Variants in CEP97 observed in about 807,000 individuals in gnomAD.
CEP97 encodes the protein centrosomal protein 97.
Under a neutral mutation model 73.1 loss-of-function variants are expected in CEP97, and 43 were observed. The ratio of observed to expected loss-of-function variants is 0.59; its 90% CI spans 0.46 to 0.76. The LOEUF (loss-of-function observed/expected upper bound fraction) is 0.76, where lower values mean the gene tolerates loss of function less well. Ranked by LOEUF, CEP97 falls within the 30% of genes least tolerant of loss-of-function variation. The pLI, the probability that CEP97 is intolerant of heterozygous loss-of-function variation, is 0.00. For missense variants in CEP97, 939 were observed against 1,014.0 expected, an observed-to-expected ratio of 0.93 and a Z score of 1.00; for synonymous variants, 337 against 370.0, an observed-to-expected ratio of 0.91 and a Z score of 1.02.
intron 6 of CEP97, among the ~76,000 whole-genome samples, chr3:101,738,263 C>A (rs1938344907): frequency 6.6e-6 from 1 of 152,118 alleles, no homozygotes; most frequent in African/African-American, 2.4e-5. Context: ...GACTTTAACA[C>A]CCCACTGTCA....
In CEP97 at chr3:101,731,909, G is replaced by A. The variant is rs1938123195; in HGVS notation, c.517G>A (p.Ala173Thr). The change falls in exon 5 of 11, where the codon GCT (alanine) becomes ACT (threonine). Residue 173 changes from alanine to threonine, a missense_variant. Ala to Thr is a moderately conservative substitution (Grantham distance 58, BLOSUM62 0). Coordinates refer to ENST00000341893, the MANE Select transcript of CEP97 (RefSeq NM_024548.4). ...ACCTGCTTACCTACCCAGAAGTCTT[G>A]CTATACTTTCTTTGGCAGAAAATGA... is the stretch of plus-strand genomic sequence containing the variant. ...MAPAYLPRSL[A>T]ILSLAENEIR... The A allele has an allele frequency of 7.4e-6, 12 of 1,610,996 alleles. No individual in the cohort carries two copies. The highest frequency in any genetic ancestry group is 1.0e-5 in the Non-Finnish European group (12 of 1,177,344).
At chr3:101,753,002 G>GT (rs1319122628) in intron 6 of CEP97, among the ~76,000 whole-genome samples, 2 of 152,122 alleles carry the variant, frequency 1.3e-5, no homozygotes, top group South Asian at 2.1e-4. Flanking sequence ...TTTCTGCTCT[G>GT]TTTTTTCCCC....
At chr3:101,750,211 A>T (rs1938762268) in intron 6 of CEP97, among the ~76,000 whole-genome samples, 1 of 146,098 alleles carries the variant, frequency 6.8e-6, no homozygotes, top group Non-Finnish European at 1.5e-5. Context: ...CTTTCTACAT[A>T]TGGCTAGCCA....
At chr3:101,746,220 G>T (rs1403586820) in intron 6 of CEP97, among the ~76,000 whole-genome samples, 1 of 152,188 alleles carries the variant, frequency 6.6e-6, no homozygotes, top group Non-Finnish European at 1.5e-5. Context: ...AAACATATGT[G>T]TGCATGTGTC....
At chr3:101,764,488 G>T (rs577169931) in intron 10 of CEP97, among the ~76,000 whole-genome samples, 1 of 152,056 alleles carries the variant, frequency 6.6e-6, no homozygotes, top group East Asian at 1.9e-4. Flanking sequence ...GTGGGTGCCT[G>T]TAATCCCAGC....
At chr3:101,728,806 T>G (rs752892583) in intron 3 of CEP97, 30 bp from the exon 4 acceptor site, 3 of 1,377,830 alleles carry the variant, frequency 2.2e-6, no homozygotes. Context: ...TTTGTTTTCA[T>G]TAAATAGTGT....
intron 6 of CEP97, among the ~76,000 whole-genome samples, chr3:101,748,761 C>T (rs1257677731): frequency 6.6e-6 from 1 of 152,180 alleles, no homozygotes; most frequent in African/African-American, 2.4e-5. Flanking sequence ...CTGCCTCAGT[C>T]TCCCGAGTAG....
intron 6 of CEP97, among the ~76,000 whole-genome samples, chr3:101,733,540 T>A (rs1020367945): frequency 6.6e-6 from 1 of 151,112 alleles, no homozygotes; most frequent in Non-Finnish European, 1.5e-5. Context: ...TTATTTTTTA[T>A]TTTTTTTTGA....
intron 6 of CEP97, among the ~76,000 whole-genome samples, chr3:101,735,493 T>C (rs963296097): frequency 1.3e-5 from 2 of 152,128 alleles, no homozygotes; most frequent in African/African-American, 4.8e-5. Flanking sequence ...CCACCTGAGG[T>C]ACGTGGCTCA....
At chr3:101,728,979 A>C (rs751629696) in intron 4 of CEP97, 42 bp downstream of exon 4, 5 of 1,114,668 alleles carry the variant, frequency 4.5e-6, no homozygotes, top group Non-Finnish European at 6.8e-6. Context: ...TTTATAGCAA[A>C]ATACCAAGAG....
intron 4 of CEP97, among the ~76,000 whole-genome samples, chr3:101,731,192 C>CTTTTTTTT (rs35988030): frequency 8.1e-6 from 1 of 123,260 alleles, no homozygotes; most frequent in Non-Finnish European, 1.7e-5. Flanking sequence ...GTTTTAATGA[C>CTTTTTTTT]TTTTTTTTTT....
Position 101,726,635 on chromosome 3 carries a change from G to C in CEP97, c.85G>C (p.Gly29Arg), listed in dbSNP as rs772663334. The change falls in exon 2 of 11, where the codon GGT (glycine) becomes CGT (arginine). Residue 29 changes from glycine (G) to arginine (R), a missense_variant. By Grantham distance (125) the Gly-to-Arg change is moderately radical (BLOSUM62 -2). Transcript: ENST00000341893. Reference sequence around the variant, plus strand: ...GTCAGGACAGGGACTACAGAAATTAGGTCCAAATTTACCCTGTGAAGCTGA... The same window carrying C: ...GTCAGGACAGGGACTACAGAAATTACGTCCAAATTTACCCTGTGAAGCTGA... ...NWSGQGLQKLGPNLPCEADIH... is the reference protein window; with the variant it reads ...NWSGQGLQKLRPNLPCEADIH... The C allele has an allele frequency of 1.9e-6, 3 of 1,611,156 alleles. No individual in the cohort carries two copies.
rs1939057604 is a variant in CEP97 at position 101,757,875 on chromosome 3, G to A, written c.1269G>A (p.Leu423=). ...TATCACCTACAGTTGAGCTGAGGCTGCAGGGCATTAACTTGGGCCTAGAAG... is the reference window on the plus strand; with the variant it reads ...TATCACCTACAGTTGAGCTGAGGCTACAGGGCATTAACTTGGGCCTAGAAG... ...SPLSPTVELR[L]QGINLGLEDD... The change falls in exon 9 of 11, where the codon CTG becomes CTA. Residue 423 remains leucine (L), a synonymous_variant. Coordinates refer to ENST00000341893, the MANE Select transcript of CEP97 (RefSeq NM_024548.4). 2 of 1,614,118 alleles carry A rather than the reference G, an allele frequency of 1.2e-6. No homozygotes were observed. The highest frequency in any genetic ancestry group is 8.5e-7 in the Non-Finnish European group (1 of 1,180,050).
In CEP97 at chr3:101,757,179, A is replaced by C. The variant is rs1170441231; in HGVS notation, c.1010A>C (p.Gln337Pro). The C allele has an allele frequency of 1.2e-6, 2 of 1,605,554 alleles. No homozygotes were observed. The highest frequency in any genetic ancestry group is 1.7e-6 in the Non-Finnish European group (2 of 1,177,840). The change falls in exon 8 of 11, where the codon CAG (glutamine) becomes CCG (proline). Residue 337 changes from glutamine to proline, a missense_variant. Gln to Pro is a moderately conservative substitution (Grantham distance 76). Coordinates refer to ENST00000341893, the MANE Select transcript of CEP97 (RefSeq NM_024548.4). ...CATTCAAGCCCTGTTCAAGATTGCCAGATATCCCAGGAAAGTGGTAAGAAA... is the reference window on the plus strand; with the variant it reads ...CATTCAAGCCCTGTTCAAGATTGCCCGATATCCCAGGAAAGTGGTAAGAAA... ...PEHSSPVQDC[Q>P]ISQESEPVIQ...
At position 101,765,527 on chromosome 3, in the gene CEP97, A is replaced by G; in HGVS notation, c.2574A>G (p.Leu858=). The change falls in exon 11 of 11, where the codon CTA becomes CTG. Residue 858 remains leucine (L), a synonymous_variant. Coordinates refer to ENST00000341893, the MANE Select transcript of CEP97 (RefSeq NM_024548.4). The part of the protein sequence containing the change: ...QQPECDSTFQ[L]LHVGVTV ...CAGAATGTGATTCTACATTTCAGCT[A>G]TTGCATGTTGGTGTTACTGTGTAGC... is the stretch of plus-strand genomic sequence containing the variant. 1 of 1,612,484 alleles carries G rather than the reference A, an allele frequency of 6.2e-7. No homozygotes were observed. Among genetic ancestry groups the G allele is most frequent in the Non-Finnish European group, 8.5e-7 (1 of 1,178,806 alleles).
At chr3:101,730,676 T>G (rs1178013572) in intron 4 of CEP97, among the ~76,000 whole-genome samples, 2 of 152,114 alleles carry the variant, frequency 1.3e-5, no homozygotes, top group East Asian at 3.8e-4. Flanking sequence ...ATGTAGCATG[T>G]AGCACTTTTT....
intron 6 of CEP97, among the ~76,000 whole-genome samples, chr3:101,750,420 A>G (rs1938770175): frequency 6.6e-6 from 1 of 151,990 alleles, no homozygotes; most frequent in South Asian, 2.1e-4. Context: ...GTTTGAAGTC[A>G]GGTAGTGTGA....
intron 5 of CEP97, among the ~76,000 whole-genome samples, chr3:101,732,197 C>T (rs749674341): frequency 2.6e-5 from 4 of 152,148 alleles, no homozygotes; most frequent in Non-Finnish European, 5.9e-5. Flanking sequence ...GGGACATCTA[C>T]GTTATAAGGG....
chr3:101,748,159 A>C (rs1938684330), intron 6 of CEP97, among the ~76,000 whole-genome samples: 2 of 144,770 alleles, frequency 1.4e-5, no homozygotes, highest in Non-Finnish European at 3.0e-5. Context: ...AAAAAAGATT[A>C]ATATGTTAGA....
Sources: allele counts gnomAD v4.1 joint callset (sites outside exome capture counted in the v4.1 genomes callset), GRCh38; gene constraint gnomAD v4.1.1; transcripts MANE v1.5; gene names NCBI Gene and HGNC (gene_info 2026-07-23, HGNC 2026-07-21).